FOXRED2: variants seen among roughly 807,000 people sequenced by gnomAD.
FOXRED2 encodes the protein FAD dependent oxidoreductase domain containing 2.
Under a neutral mutation model 52.5 loss-of-function variants are expected in FOXRED2, and 32 were observed. That is an observed-to-expected ratio of 0.61 (90% CI 0.46 to 0.82). FOXRED2 has a LOEUF of 0.82. Ranked by LOEUF, FOXRED2 falls within the 40% of genes least tolerant of loss-of-function variation. FOXRED2 has a pLI of 0.00. For missense variants in FOXRED2, 848 were observed against 937.5 expected (o/e 0.90, Z 1.25); for synonymous variants, 405 against 398.1 (o/e 1.02, Z -0.21).
rs1258822158 is a variant in FOXRED2, at chr22:36,506,140, G to A, written c.283C>T (p.Leu95Phe). Residue 95 changes from leucine (L) to phenylalanine (F), a missense_variant, in exon 2 of 9, where the codon CTC becomes TTC. By Grantham distance (22) the Leu-to-Phe change is conservative (BLOSUM62 0). Transcript: ENST00000397224. ...YTGKANAEFNLRHDWNSLLSH... is the reference protein window; with the variant it reads ...YTGKANAEFNFRHDWNSLLSH... ...AGCAGAGAGTTCCAGTCGTGGCGGA[G>A]GTTGAACTCGGCGTTAGCCTTGCCC... is the stretch of plus-strand genomic sequence containing the variant. 2.5e-6 allele frequency: 4 copies of A among 1,614,286 alleles called. No individual in the cohort carries two copies. The highest frequency in any genetic ancestry group is 3.4e-6 in the Non-Finnish European group (4 of 1,180,050).
chr22:36,504,301 G>A lies in FOXRED2; in HGVS notation c.846C>T (p.Asp282=), dbSNP rs779446624. 1.3e-5 allele frequency: 21 copies of A among 1,614,186 alleles called. No homozygotes were observed. The highest frequency in any genetic ancestry group is 1.0e-4 in the Admixed American group (6 of 60,014). The part of the protein sequence containing the change: ...LKSLDGLLES[D]LTDLAILKDS... The stretch of plus-strand genomic sequence containing the variant: ...CCTTCAGGATGGCCAGATCCGTCAG[G>A]TCAGACTCGAGCAGCCCGTCCAGGG... Residue 282 remains aspartate (D), a synonymous_variant, in exon 4 of 9, where the codon GAC becomes GAT. Coordinates refer to ENST00000397224, the MANE Select transcript of FOXRED2 (RefSeq NM_001102371.2).
rs138388852 is a variant in FOXRED2, at chr22:36,498,007, C to A, written c.1366G>T (p.Val456Phe). 3.6e-4 allele frequency: 587 copies of A among 1,613,894 alleles called. 1 individual carries two copies. In the African/African-American group the frequency reaches 6.5e-3, roughly 18 times the overall value. ...GCTACTCACTCCTTCAACAGGATGA[C>A]ATCGGCCAGCACACCGAACATCTGG... The part of the protein sequence containing the change: ...LYQMFGVLAD[V>F]ILLKENSTAF... The change falls in exon 6 of 9, where the codon GTC (valine) becomes TTC (phenylalanine). Residue 456 changes from valine to phenylalanine, a missense_variant. Transcript: ENST00000397224.
intron 1 of FOXRED2, 90 bp from the exon 2 acceptor site, chr22:36,506,513 T>C (rs1014487221): frequency 2.4e-6 from 3 of 1,253,536 alleles, no homozygotes; most frequent in Non-Finnish European, 1.1e-6. Context: ...GCGGGAACTC[T>C]CACTGCAATC....
At chr22:36,498,414 CT>C in intron 5 of FOXRED2, 1 of 440,558 alleles carries the variant, frequency 2.3e-6, no homozygotes. Context: ...CTCAGTGATG[CT>C]GCTCAATTCT....
chr22:36,496,132 T>G lies in FOXRED2; in HGVS notation c.1459A>C (p.Lys487Gln). 6.2e-7 allele frequency: 1 copy of G among 1,614,164 alleles called. No individual in the cohort carries two copies. The highest frequency in any genetic ancestry group is 8.5e-7 in the Non-Finnish European group (1 of 1,180,038). Residue 487 changes from lysine (K) to glutamine (Q), a missense_variant, in exon 7 of 9, where the codon AAG (lysine) becomes CAG (glutamine). Coordinates refer to ENST00000397224, the MANE Select transcript of FOXRED2 (RefSeq NM_001102371.2). ...LAQLETLTGR[K>Q]AKHGLFVINM... ...ATGACGAAGAGCCCGTGCTTTGCCT[T>G]CCTCCCTGTGAGTGTCTCCAGCTGG...
intron 5 of FOXRED2, among the ~76,000 whole-genome samples, chr22:36,499,617 C>T (rs1317164696): frequency 7.2e-5 from 11 of 151,962 alleles, no homozygotes; most frequent in Admixed American, 3.3e-4. Context: ...CAGGAAGAGA[C>T]GCTGTCTCAA....
chr22:36,503,721 C>A (rs894041166), intron 4 of FOXRED2, among the ~76,000 whole-genome samples: 1 of 152,208 alleles, frequency 6.6e-6, no homozygotes, highest in African/African-American at 2.4e-5. Context: ...TAACTTCCGC[C>A]GAGGTCACAG....
intron 8 of FOXRED2, among the ~76,000 whole-genome samples, chr22:36,491,908 T>G (rs945781154): frequency 3.9e-5 from 6 of 152,100 alleles, no homozygotes; most frequent in Non-Finnish European, 8.8e-5. Flanking sequence ...CTGAGGGAGT[T>G]AGAGACAAGG....
At chr22:36,495,829 G>A (rs1005786344) in intron 7 of FOXRED2, 138 bp downstream of exon 7, 116 of 890,908 alleles carry the variant, frequency 1.3e-4, no homozygotes, top group Non-Finnish European at 2.0e-4. Flanking sequence ...TTCTGCCCAA[G>A]TGGTCTCTAG....
intron 8 of FOXRED2, among the ~76,000 whole-genome samples, chr22:36,490,798 G>T (rs1327083720): frequency 6.6e-6 from 1 of 152,230 alleles, no homozygotes; most frequent in Non-Finnish European, 1.5e-5. Context: ...TCCCACAACA[G>T]AAAGCTGGTG....
In FOXRED2 at chr22:36,490,001, G is replaced by A. The variant is rs768339873; in HGVS notation, c.*7C>T. 6.4e-7 allele frequency: 1 copy of A among 1,559,998 alleles called. No individual in the cohort carries two copies. Among genetic ancestry groups the A allele is most frequent in the South Asian group, 1.2e-5 (1 of 84,194 alleles). On this transcript the variant is annotated 3_prime_UTR_variant, in exon 9 of 9. Transcript: ENST00000397224. ...GGCCACTGTGCCCACAGCTTAGGAA[G>A]GGACAGTCAGAGCTCCTCTTTGTTG...
chr22:36,487,596 A>C lies in FOXRED2; in HGVS notation c.*2412T>G, dbSNP rs1218708176. 6.6e-6 allele frequency: 1 copy of C among 152,254 alleles called. No individual in the cohort carries two copies. Among genetic ancestry groups the C allele is most frequent in the Admixed American group, 6.5e-5 (1 of 15,288 alleles). The allele number at this position is 152,254 out of a possible 1,614,324, so 9.4% of individuals were successfully genotyped here. A position where few individuals can be genotyped will look rare whatever the true frequency, so the allele number is the denominator to read the frequency against. ...ACAGGTGAGCTGAACATACTGATAC[A>C]TTGGTTCTTTGGAGAGGATCTCAGA... is the stretch of plus-strand genomic sequence containing the variant. On this transcript the variant is annotated 3_prime_UTR_variant, in exon 9 of 9. Coordinates refer to ENST00000397224, the MANE Select transcript of FOXRED2 (RefSeq NM_001102371.2).
chr22:36,498,632 C>T (rs897476128), intron 5 of FOXRED2, among the ~76,000 whole-genome samples: 7 of 152,204 alleles, frequency 4.6e-5, no homozygotes, highest in African/African-American at 1.2e-4. Context: ...CCATCAGAGA[C>T]GCGCCTACAG....
intron 6 of FOXRED2, among the ~76,000 whole-genome samples, 194 bp downstream of exon 6, chr22:36,497,797 T>G (rs1055688873): frequency 6.6e-6 from 1 of 152,226 alleles, no homozygotes; most frequent in African/African-American, 2.4e-5. Flanking sequence ...GGCTCACTAA[T>G]GTGCCCGTGG....
intron 5 of FOXRED2, among the ~76,000 whole-genome samples, chr22:36,500,868 G>T (rs1023713017): frequency 6.6e-6 from 1 of 152,030 alleles, no homozygotes; most frequent in African/African-American, 2.4e-5. Flanking sequence ...ACAGGCGTGA[G>T]CCATTGCACC....
intron 5 of FOXRED2, 151 bp from the exon 6 acceptor site, chr22:36,498,307 G>A: frequency 1.2e-6 from 1 of 813,160 alleles, no homozygotes; most frequent in Non-Finnish European, 1.9e-6. Flanking sequence ...GAACACATGA[G>A]GGGAGGAGAT....
At chr22:36,491,724 T>C (rs1933762100) in intron 8 of FOXRED2, among the ~76,000 whole-genome samples, 1 of 152,194 alleles carries the variant, frequency 6.6e-6, no homozygotes, top group Non-Finnish European at 1.5e-5. Context: ...CATGCGTCCA[T>C]ACAGCCTGCA....
chr22:36,498,153 C>G lies in FOXRED2; in HGVS notation c.1220G>C (p.Arg407Pro). ...GFIHGFRYTV[R>P]AVHRLLEHRH... ...GTGCTCCAGGAGCCGGTGAACAGCA[C>G]GCACTGGAACAGCCAGAGGGAGGAA... Residue 407 changes from arginine to proline, a missense_variant, in exon 6 of 9, where the codon CGT becomes CCT. Transcript: ENST00000397224. 5 of 1,609,800 alleles carry G rather than the reference C, an allele frequency of 3.1e-6. No individual in the cohort carries two copies. The highest frequency in any genetic ancestry group is 4.2e-6 in the Non-Finnish European group (5 of 1,179,470).
chr22:36,506,225 G>A lies in FOXRED2; in HGVS notation c.198C>T (p.Gly66=). The change falls in exon 2 of 9, where the codon GGC becomes GGT. Residue 66 remains glycine (G), a synonymous_variant. Transcript: ENST00000397224. Reference sequence around the variant, plus strand: ...GCCGCGGGTAGCGTGTGAAGAAGCTGCCGGGCCGCGGGGCCCGCTCGAACA... The same window carrying A: ...GCCGCGGGTAGCGTGTGAAGAAGCTACCGGGCCGCGGGGCCCGCTCGAACA... ...YAVFERAPRP[G]SFFTRYPRHR... The A allele has an allele frequency of 1.2e-6, 2 of 1,613,876 alleles. No homozygotes were observed.
Sources: allele counts gnomAD v4.1 joint callset (sites outside exome capture counted in the v4.1 genomes callset), GRCh38; gene constraint gnomAD v4.1.1; transcripts MANE v1.5; gene names NCBI Gene and HGNC (gene_info 2026-07-23, HGNC 2026-07-21).